The following CHL1 variants were observed in gnomAD, a reference collection of about 807,000 sequenced individuals.
CHL1 encodes the protein neural cell adhesion molecule L1-like protein.
In CHL1, 96 loss-of-function variants were observed where a neutral mutation model predicts 141.9. That is an observed-to-expected ratio of 0.68 (90% confidence interval 0.57 to 0.80). The LOEUF (loss-of-function observed/expected upper bound fraction) is 0.80. Ranked by LOEUF, CHL1 falls within the 30% of genes least tolerant of loss-of-function variation. CHL1 has a pLI of 0.00. For missense variants in CHL1, 1,820 were observed against 1,457.2 expected (o/e 1.25, Z -4.05); for synonymous variants, 613 against 502.2 (o/e 1.22, Z -2.95).
chr3:254,093 G>A (rs1187905623), intron 2 of CHL1, among the ~76,000 whole-genome samples: 2 of 152,188 alleles, frequency 1.3e-5, no homozygotes, highest in East Asian at 3.9e-4. Context: ...CAGCTGCTGG[G>A]ATGTGTCCAG....
intron 14 of CHL1, among the ~76,000 whole-genome samples, chr3:364,762 A>C (rs4685632): frequency 0.98 from 148,885 of 152,214 alleles, 72,891 homozygotes; most frequent in East Asian, 1. Context: ...GGTTCAGCCC[A>C]TTCCCGGTTA....
At chr3:330,819 A>G (rs1480719602) in intron 5 of CHL1, among the ~76,000 whole-genome samples, 1 of 152,208 alleles carries the variant, frequency 6.6e-6, no homozygotes, top group Non-Finnish European at 1.5e-5. Context: ...TTCAGAAATC[A>G]AGATTCAGCT....
intron 1 of CHL1, among the ~76,000 whole-genome samples, chr3:210,510 C>T (rs1699822304): frequency 1.3e-5 from 2 of 152,212 alleles, no homozygotes; most frequent in Admixed American, 6.5e-5. Context: ...TCCAAGTAGT[C>T]ACAGGGCCTC....
At chr3:290,757 T>TAATC (rs1457753808) in intron 2 of CHL1, among the ~76,000 whole-genome samples, 1 of 152,018 alleles carries the variant, frequency 6.6e-6, no homozygotes, top group Non-Finnish European at 1.5e-5. Flanking sequence ...ATTGGAGCTG[T>TAATC]AATCACACAC....
chr3:343,072 C>G, intron 8 of CHL1, 41 bp downstream of exon 8: 3 of 1,483,286 alleles, frequency 2.0e-6, no homozygotes, highest in African/African-American at 2.9e-5. Flanking sequence ...TTGTGTATAG[C>G]TCATTGTCAT....
chr3:364,641 T>A (rs1449285752), intron 14 of CHL1, among the ~76,000 whole-genome samples: 1 of 152,156 alleles, frequency 6.6e-6, no homozygotes, highest in Non-Finnish European at 1.5e-5. Flanking sequence ...AGGACACTTT[T>A]TTTTTTACAT....
chr3:201,426 C>T (rs1350218854), intron 1 of CHL1, among the ~76,000 whole-genome samples: 1 of 152,168 alleles, frequency 6.6e-6, no homozygotes, highest in African/African-American at 2.4e-5. Context: ...ACTTCACTTT[C>T]ACATAATTTA....
chr3:404,706 G>C (rs1709396642), intron 27 of CHL1, among the ~76,000 whole-genome samples: 2 of 152,114 alleles, frequency 1.3e-5, no homozygotes, highest in Non-Finnish European at 2.9e-5. Flanking sequence ...CATTTTATCA[G>C]GATATAAGAG....
At chr3:400,697 G>A (rs1709053530) in intron 26 of CHL1, among the ~76,000 whole-genome samples, 1 of 151,292 alleles carries the variant, frequency 6.6e-6, no homozygotes, top group Non-Finnish European at 1.5e-5. Flanking sequence ...AACTACTCGG[G>A]AGGCTGAGGC....
rs1387714822 is a variant in CHL1, at chr3:409,345, G to A, written c.*3634G>A. 1 of 152,000 alleles carries A rather than the reference G, an allele frequency of 6.6e-6. No individual in the cohort carries two copies. The allele number at this position is 152,000 out of a possible 1,614,324, so 9.4% of individuals were successfully genotyped here. ...TTGTATTATGCTTATGACTATGTAT[G>A]GTTTGAAAATATTTTCATTATACAT... is the stretch of plus-strand genomic sequence containing the variant. On this transcript the variant is annotated 3_prime_UTR_variant, in exon 28 of 28. Coordinates refer to ENST00000256509, the MANE Select transcript of CHL1 (RefSeq NM_006614.4).
chr3:326,133 C>G (rs1394495618), intron 4 of CHL1, 69 bp downstream of exon 4: 3 of 869,402 alleles, frequency 3.5e-6, no homozygotes, highest in South Asian at 1.7e-5. Context: ...TTTACTCTTA[C>G]CATCACAAGC....
At chr3:362,260 A>C (rs1559310396) in intron 13 of CHL1, among the ~76,000 whole-genome samples, 1 of 152,178 alleles carries the variant, frequency 6.6e-6, no homozygotes, top group Non-Finnish European at 1.5e-5. Context: ...TTGGTATCAT[A>C]AGTCCAAAGA....
At chr3:300,834 G>A (rs893389131) in intron 2 of CHL1, among the ~76,000 whole-genome samples, 1 of 152,150 alleles carries the variant, frequency 6.6e-6, no homozygotes, top group Non-Finnish European at 1.5e-5. Flanking sequence ...AGAAAGTGCA[G>A]CTGTGTTAAG....
In CHL1 at chr3:274,216, G is replaced by C. The variant is rs1695890023; in HGVS notation, c.-95+29524G>C. ...AATCTCAATTCAATGATCACTTCAT[G>C]ACAGTCACCATCTCTGGATAGATTG... On this transcript the variant is annotated intron_variant, in intron 2 of 27. Transcript: ENST00000256509. 3.3e-5 allele frequency among the ~76,000 whole-genome samples: 5 copies of C among 152,210 alleles called. No individual in the cohort carries two copies. The South Asian group carries it at 1.0e-3, about 32-fold the overall frequency.
chr3:278,219 G>C (rs9310787), intron 2 of CHL1, among the ~76,000 whole-genome samples: 1,762 of 152,342 alleles, frequency 0.012, 29 homozygotes, highest in African/African-American at 0.039. Flanking sequence ...TTTGCTTGCT[G>C]TCTGTGTATT....
At chr3:374,568 C>T (rs1362943251) in intron 15 of CHL1, among the ~76,000 whole-genome samples, 2 of 152,154 alleles carry the variant, frequency 1.3e-5, no homozygotes, top group Admixed American at 6.5e-5. Context: ...TGCAGGATCC[C>T]AGAGCTGACA....
intron 2 of CHL1, among the ~76,000 whole-genome samples, chr3:309,853 C>G (rs901312894): frequency 2.0e-5 from 3 of 152,044 alleles, no homozygotes; most frequent in African/African-American, 7.2e-5. Context: ...TTAAATGTAA[C>G]TGTAAGTTGT....
chr3:346,215 T>A (rs574418094), intron 9 of CHL1, among the ~76,000 whole-genome samples: 1 of 152,208 alleles, frequency 6.6e-6, no homozygotes, highest in African/African-American at 2.4e-5. Context: ...CCACCAAAAA[T>A]ATCAAAGTTG....
chr3:246,015 A>G (rs1286578278), intron 2 of CHL1, among the ~76,000 whole-genome samples: 1 of 152,144 alleles, frequency 6.6e-6, no homozygotes, highest in African/African-American at 2.4e-5. Flanking sequence ...ATATTCTAAT[A>G]TCCTTAGAGA....
Sources: gnomAD v4.1 joint callset for allele counts (sites outside exome capture counted in the v4.1 genomes callset) on GRCh38, gnomAD v4.1.1 for gene constraint, MANE v1.5 for transcripts, NCBI Gene and HGNC (gene_info 2026-07-23, HGNC 2026-07-21) for gene names.